MINDY3: variants seen among roughly 807,000 people sequenced by gnomAD.
MINDY3 encodes ubiquitin carboxyl-terminal hydrolase MINDY-3.
In MINDY3, 38 loss-of-function variants were observed where a neutral mutation model predicts 69.2. The ratio of observed to expected loss-of-function variants is 0.55; its 90% CI spans 0.42 to 0.72. The LOEUF is 0.72. MINDY3 is among the 30% of genes least tolerant of loss of function. The probability of loss-of-function intolerance (pLI) is 0.00; values close to 1 mark genes in which losing one functional copy is unlikely to be tolerated. For synonymous variants in MINDY3, 192 were observed against 180.1 expected (o/e 1.07, Z -0.53); for missense variants, 522 against 519.0 (o/e 1.01, Z -0.06).
chr10:15,781,361 C>A (rs963161623), intron 14 of MINDY3, among the ~76,000 whole-genome samples: 3 of 149,486 alleles, frequency 2.0e-5, no homozygotes, highest in Non-Finnish European at 3.0e-5. Flanking sequence ...GAATGTTAGA[C>A]CTTATTCCTT....
At chr10:15,787,247 A>G (rs766089200) in intron 12 of MINDY3, among the ~76,000 whole-genome samples, 14 of 152,172 alleles carry the variant, frequency 9.2e-5, no homozygotes, top group Non-Finnish European at 1.6e-4. Flanking sequence ...GCAGCAGCCT[A>G]AAGTGCATAC....
Position 15,860,346 on chromosome 10 carries a change from G to A in MINDY3, c.-47C>T, listed in dbSNP as rs1835011618. The A allele has an allele frequency of 7.2e-7, 1 of 1,388,354 alleles. No individual in the cohort carries two copies. 86.0% of individuals were successfully genotyped at this position (1,388,354 alleles called of 1,614,324 possible). On this transcript the variant is annotated 5_prime_UTR_variant, in exon 1 of 15. Coordinates refer to ENST00000277632, the MANE Select transcript of MINDY3 (RefSeq NM_024948.4). ...TCTTCGCTTTGCGGACTCCTGCCCC[G>A]GAACATGGGGAAGGGGCAACTCCGG...
intron 10 of MINDY3, among the ~76,000 whole-genome samples, chr10:15,805,509 G>T (rs1208981912): frequency 6.6e-6 from 1 of 152,138 alleles, no homozygotes; most frequent in African/African-American, 2.4e-5. Context: ...ATCACCTAGT[G>T]ATACAAGGTA....
intron 12 of MINDY3, 94 bp downstream of exon 12, chr10:15,789,153 T>C: frequency 3.7e-6 from 3 of 818,516 alleles, no homozygotes; most frequent in Non-Finnish European, 6.1e-6. Context: ...TATATGCAGA[T>C]ATAGATTTTT....
At chr10:15,815,241 G>A (rs2131972054) in intron 10 of MINDY3, among the ~76,000 whole-genome samples, 1 of 152,210 alleles carries the variant, frequency 6.6e-6, no homozygotes, top group East Asian at 1.9e-4. Flanking sequence ...ACTTCAGGAA[G>A]GAAATAAATA....
At chr10:15,793,153 A>G (rs1208812688) in intron 11 of MINDY3, among the ~76,000 whole-genome samples, 1 of 152,158 alleles carries the variant, frequency 6.6e-6, no homozygotes, top group Non-Finnish European at 1.5e-5. Context: ...GTACCTGAAT[A>G]CGAAGCACAT....
intron 1 of MINDY3, among the ~76,000 whole-genome samples, chr10:15,856,755 A>G (rs1834719267): frequency 6.6e-6 from 1 of 152,194 alleles, no homozygotes; most frequent in South Asian, 2.1e-4. Flanking sequence ...TAAATTCCAA[A>G]TAAGTCAAAA....
At chr10:15,797,954 G>C (rs1271247787) in intron 10 of MINDY3, among the ~76,000 whole-genome samples, 1 of 152,052 alleles carries the variant, frequency 6.6e-6, no homozygotes, top group Non-Finnish European at 1.5e-5. Flanking sequence ...GAAATTTATA[G>C]ATGAACACCA....
At chr10:15,849,824 C>G (rs1374261285) in intron 1 of MINDY3, among the ~76,000 whole-genome samples, 1 of 152,084 alleles carries the variant, frequency 6.6e-6, no homozygotes. Context: ...AAGATTCCAC[C>G]AAAAACTCCA....
intron 8 of MINDY3, among the ~76,000 whole-genome samples, chr10:15,822,887 A>G (rs1237904649): frequency 1.3e-5 from 2 of 152,194 alleles, no homozygotes; most frequent in Non-Finnish European, 2.9e-5. Flanking sequence ...GCTAACATAC[A>G]TTAATATAAT....
intron 1 of MINDY3, among the ~76,000 whole-genome samples, chr10:15,852,824 A>T (rs573069733): frequency 1.1e-3 from 167 of 152,312 alleles, no homozygotes; most frequent in African/African-American, 3.9e-3. Context: ...ACCAAACACA[A>T]ATGGAAAATA....
Position 15,860,234 on chromosome 10 carries a change from CG to C in MINDY3, c.65del (p.Ser22TrpfsTer22). ...GCGTCCAGCGGCAGAAAATGGTGTC[CG>C]AGAGACCGGGGCTGCTCTTGGTGCC... is the stretch of plus-strand genomic sequence containing the variant. ...VWGTKSSPGL[S>X]DTIFCRWTQG... On this transcript the variant is annotated frameshift_variant, in exon 1 of 15. Transcript: ENST00000277632. LOFTEE classifies it high-confidence loss of function. 1 of 1,610,382 alleles carries C rather than the reference CG, an allele frequency of 6.2e-7. No homozygotes were observed. Among genetic ancestry groups the C allele is most frequent in the South Asian group, 1.1e-5 (1 of 90,072 alleles).
intron 8 of MINDY3, 87 bp from the exon 9 acceptor site, chr10:15,821,813 T>C (rs1839788709): frequency 4.0e-6 from 4 of 1,010,334 alleles, no homozygotes; most frequent in Admixed American, 2.6e-5. Context: ...TATGTATATA[T>C]ATTTATACTA....
At chr10:15,809,772 G>C (rs759776973) in intron 10 of MINDY3, among the ~76,000 whole-genome samples, 11 of 152,042 alleles carry the variant, frequency 7.2e-5, no homozygotes, top group Non-Finnish European at 1.2e-4. Flanking sequence ...GGGTGGCTTA[G>C]ATGCATTTCT....
chr10:15,792,665 A>G (rs1234101559), intron 11 of MINDY3, among the ~76,000 whole-genome samples: 3 of 152,130 alleles, frequency 2.0e-5, no homozygotes, highest in Non-Finnish European at 2.9e-5. Context: ...AAATCAGACA[A>G]AATATGGCTG....
intron 10 of MINDY3, among the ~76,000 whole-genome samples, chr10:15,798,279 A>C (rs1837984929): frequency 6.6e-6 from 1 of 152,096 alleles, no homozygotes; most frequent in Non-Finnish European, 1.5e-5. Context: ...CGTTACTTCA[A>C]TATTGCTACA....
chr10:15,782,019 A>G (rs1588494648), intron 14 of MINDY3, 136 bp downstream of exon 14: 1 of 706,634 alleles, frequency 1.4e-6, no homozygotes, highest in Non-Finnish European at 2.4e-6. Flanking sequence ...GGCTGATTCT[A>G]AAATGTGTCC....
At chr10:15,819,349 T>G (rs183158099) in intron 9 of MINDY3, among the ~76,000 whole-genome samples, 59 of 152,164 alleles carry the variant, frequency 3.9e-4, no homozygotes, top group African/African-American at 1.3e-3. Flanking sequence ...CGTAATATAG[T>G]TTTTCAAAAA....
chr10:15,782,240 A>G lies in MINDY3; in HGVS notation c.1117-14T>C. On this transcript the variant is annotated splice_polypyrimidine_tract_variant and intron_variant, in intron 13 of 14. Transcript: ENST00000277632. ...ACCACTGGAGCCCTATTATAAATAAAGGACTATTAACACTTTAAATTATAT... is the reference window on the plus strand; with the variant it reads ...ACCACTGGAGCCCTATTATAAATAAGGGACTATTAACACTTTAAATTATAT... The G allele has an allele frequency of 1.3e-6, 2 of 1,544,028 alleles. No individual in the cohort carries two copies. The highest frequency in any genetic ancestry group is 1.8e-6 in the Non-Finnish European group (2 of 1,124,046).
Sources: allele counts gnomAD v4.1 joint callset (sites outside exome capture counted in the v4.1 genomes callset), GRCh38; gene constraint gnomAD v4.1.1; transcripts MANE v1.5; gene names NCBI Gene and HGNC (gene_info 2026-07-23, HGNC 2026-07-21).